TCF4: variants seen among roughly 807,000 people sequenced by gnomAD.
The protein encoded by TCF4 is transcription factor 4, also known as SL3-3 enhancer factor 2.
TCF4 carries 3 observed loss-of-function variants against 82.1 expected under a neutral mutation model. The observed-to-expected ratio is 0.04, with a 90% CI of 0.02 to 0.09. The LOEUF (loss-of-function observed/expected upper bound fraction) is 0.09, where lower values mean the gene tolerates loss of function less well. TCF4 is among the 10% of genes least tolerant of loss of function. The pLI, the probability that TCF4 is intolerant of heterozygous loss-of-function variation, is 1.00. For synonymous variants in TCF4, 276 were observed against 309.6 expected (o/e 0.89, Z 1.14); for missense variants, 518 against 852.7 (o/e 0.61, Z 4.89).
At chr18:55,569,485 C>T (rs1340419756) in intron 3 of TCF4, among the ~76,000 whole-genome samples, 1 of 151,996 alleles carries the variant, frequency 6.6e-6, no homozygotes, top group Admixed American at 6.6e-5. Flanking sequence ...GCAGAGGTTG[C>T]AGTGAGCTAA....
intron 15 of TCF4, among the ~76,000 whole-genome samples, chr18:55,248,492 C>T (rs1412075221): frequency 6.6e-6 from 1 of 152,214 alleles, no homozygotes; most frequent in African/African-American, 2.4e-5. Context: ...ATAACTGCCA[C>T]ATCACATCAA....
At chr18:55,350,553 C>G in intron 7 of TCF4, 145 bp from the exon 8 acceptor site, 1 of 895,550 alleles carries the variant, frequency 1.1e-6, no homozygotes, top group Non-Finnish European at 1.8e-6. Context: ...ACATTCGATT[C>G]TAGCAGAAAT....
chr18:55,293,630 T>C (rs2065657155), intron 8 of TCF4, among the ~76,000 whole-genome samples: 2 of 152,160 alleles, frequency 1.3e-5, no homozygotes, highest in African/African-American at 4.8e-5. Flanking sequence ...TTCATAGCAT[T>C]TGCCACTGCA....
chr18:55,379,513 G>A (rs1471548685), intron 6 of TCF4, among the ~76,000 whole-genome samples: 8 of 152,158 alleles, frequency 5.3e-5, no homozygotes, highest in Admixed American at 2.6e-4. Flanking sequence ...ACATCAGAAA[G>A]CCTGATTGAG....
At chr18:55,266,307 A>T (rs912441215) in intron 11 of TCF4, 5 of 152,208 alleles carry the variant, frequency 3.3e-5, no homozygotes. Flanking sequence ...GTATGCTCAG[A>T]TGCAGAGGCA....
intron 8 of TCF4, among the ~76,000 whole-genome samples, chr18:55,335,196 C>G (rs888573316): frequency 1.3e-5 from 2 of 152,130 alleles, no homozygotes; most frequent in Non-Finnish European, 2.9e-5. Context: ...CATTTACATA[C>G]CATATGCCCT....
In TCF4 at chr18:55,368,399, C is replaced by G. The variant is rs138554644; in HGVS notation, c.370-17396G>C. Among the ~76,000 whole-genome samples, 625 of 152,144 alleles carry G rather than the reference C, an allele frequency of 4.1e-3. 1 individual carries two copies. Among genetic ancestry groups the G allele is most frequent in the African/African-American group, 0.014 (598 of 41,536 alleles). ...CTGTCTCCAAAAACAAAACAAACAA[C>G]AACAATAACAAAAAGTCATGAGAGT... On this transcript the variant is annotated intron_variant, in intron 6 of 19. Transcript: ENST00000354452.
chr18:55,539,063 T>C (rs762154906), intron 3 of TCF4, among the ~76,000 whole-genome samples: 14 of 147,566 alleles, frequency 9.5e-5, no homozygotes, highest in Non-Finnish European at 1.6e-4. Flanking sequence ...AAAAAAAGCC[T>C]GGATAAAACA....
intron 5 of TCF4, among the ~76,000 whole-genome samples, chr18:55,444,652 T>C (rs901368390): frequency 6.6e-6 from 1 of 152,230 alleles, no homozygotes; most frequent in East Asian, 1.9e-4. Flanking sequence ...AATTGCCTTG[T>C]TGGTGGTGGT....
intron 3 of TCF4, among the ~76,000 whole-genome samples, chr18:55,562,235 C>T (rs1405717032): frequency 6.6e-6 from 1 of 152,172 alleles, no homozygotes; most frequent in East Asian, 1.9e-4. Context: ...TTGCCGACCC[C>T]TGCTCTAGTC....
At position 55,588,032 on chromosome 18, in the gene TCF4, A is replaced by T. The variant is rs2097669601; in HGVS notation, c.-21+6T>A. ...CCCGCCGAGCCCCGCAGGCGCCGGT[A>T]CCTACCGCCCGCGCGCGAGAAGGGG... is the stretch of plus-strand genomic sequence containing the variant. On this transcript the variant is annotated splice_donor_region_variant and intron_variant, in intron 1 of 19. Transcript: ENST00000354452. 1 of 982,030 alleles carries T rather than the reference A, an allele frequency of 1.0e-6. No individual in the cohort carries two copies. The highest frequency in any genetic ancestry group is 6.3e-5 in the Admixed American group (1 of 15,866). 60.8% of individuals were successfully genotyped at this position (982,030 alleles called of 1,614,324 possible). A position where few individuals can be genotyped will look rare whatever the true frequency, so the allele number is the denominator to read the frequency against.
intron 2 of TCF4, among the ~76,000 whole-genome samples, chr18:55,602,270 G>C (rs191438212): frequency 7.4e-4 from 113 of 152,314 alleles, no homozygotes; most frequent in African/African-American, 2.7e-3. Context: ...CATAACATTA[G>C]TAAGCTTTCA....
intron 3 of TCF4, among the ~76,000 whole-genome samples, chr18:55,483,378 C>T (rs1234299686): frequency 6.6e-6 from 1 of 152,202 alleles, no homozygotes; most frequent in African/African-American, 2.4e-5. Flanking sequence ...TTTAAATACT[C>T]ATTCGTTTCA....
intron 18 of TCF4, 53 bp downstream of exon 18, chr18:55,228,794 G>C (rs961213940): frequency 6.3e-7 from 1 of 1,596,492 alleles, no homozygotes. Flanking sequence ...ATCTCAGCTT[G>C]TGCCTGCCAC....
chr18:55,573,654 A>T (rs1326922607), intron 3 of TCF4, among the ~76,000 whole-genome samples: 1 of 152,064 alleles, frequency 6.6e-6, no homozygotes, highest in East Asian at 1.9e-4. Flanking sequence ...ACTCCTCCTC[A>T]TCTGTAAGAC....
intron 6 of TCF4, among the ~76,000 whole-genome samples, chr18:55,388,968 A>C (rs2092834404): frequency 6.6e-6 from 1 of 150,942 alleles, no homozygotes; most frequent in African/African-American, 2.4e-5. Context: ...CTAAAAATAC[A>C]AAAAAAAATT....
At chr18:55,573,337 C>G (rs1603623927) in intron 3 of TCF4, among the ~76,000 whole-genome samples, 1 of 151,844 alleles carries the variant, frequency 6.6e-6, no homozygotes. Context: ...TATGAATGCT[C>G]CCCAATGACC....
At chr18:55,438,624 C>G (rs767308434) in intron 5 of TCF4, among the ~76,000 whole-genome samples, 20 of 152,192 alleles carry the variant, frequency 1.3e-4, no homozygotes, top group Non-Finnish European at 2.5e-4. Context: ...AAAGACACCA[C>G]CTGCAGTCCT....
chr18:55,259,220 T>C (rs1042989853), intron 13 of TCF4, among the ~76,000 whole-genome samples: 3 of 152,152 alleles, frequency 2.0e-5, no homozygotes, highest in Non-Finnish European at 4.4e-5. Flanking sequence ...GCTGTTGTTT[T>C]GTTTTTTTAA....
Sources: allele counts gnomAD v4.1 joint callset (sites outside exome capture counted in the v4.1 genomes callset), GRCh38; gene constraint gnomAD v4.1.1; transcripts MANE v1.5; gene names NCBI Gene and HGNC (gene_info 2026-07-23, HGNC 2026-07-21).